Variants in QTMAN observed in about 807,000 individuals in gnomAD.
QTMAN encodes the protein queuosine-tRNA mannosyltransferase, also known as tRNA-queuosine alpha-mannosyltransferase.
the QTMAN span, among the ~76,000 whole-genome samples, chr2:144,136,227 A>G: frequency 6.6e-6 from 1 of 151,722 alleles, no homozygotes; most frequent in Non-Finnish European, 1.5e-5. Flanking sequence ...TCAGTAGGGT[A>G]AGATGGGAGA....
chr2:144,256,022 T>G, the QTMAN span, among the ~76,000 whole-genome samples: 2 of 152,206 alleles, frequency 1.3e-5, no homozygotes, highest in Admixed American at 1.3e-4. Context: ...TTAATTATTT[T>G]TAAATTAATT....
the QTMAN span, among the ~76,000 whole-genome samples, chr2:144,001,875 A>G: frequency 6.6e-6 from 1 of 151,932 alleles, no homozygotes; most frequent in African/African-American, 2.4e-5. Flanking sequence ...AGAACTACAA[A>G]TTAGGCAATT....
chr2:144,129,140 G>A, the QTMAN span, among the ~76,000 whole-genome samples: 3 of 151,836 alleles, frequency 2.0e-5, no homozygotes, highest in Non-Finnish European at 4.4e-5. Flanking sequence ...AAATATAGTA[G>A]CTTTGAATAG....
the QTMAN span, among the ~76,000 whole-genome samples, chr2:144,020,274 C>T: frequency 6.6e-6 from 1 of 152,078 alleles, no homozygotes; most frequent in Non-Finnish European, 1.5e-5. Context: ...CCCAAGACAC[C>T]CTGGCCTGCC....
At chr2:144,031,760 T>C in the QTMAN span, among the ~76,000 whole-genome samples, 1 of 152,106 alleles carries the variant, frequency 6.6e-6, no homozygotes, top group African/African-American at 2.4e-5. Context: ...TTACTTCTTC[T>C]TCTTCTTTTT....
the QTMAN span, among the ~76,000 whole-genome samples, chr2:144,102,218 T>C: frequency 1.3e-5 from 2 of 152,306 alleles, no homozygotes; most frequent in South Asian, 2.1e-4. Flanking sequence ...AATTCCTGAG[T>C]ACCTATCAGT....
chr2:144,329,297 G>A, the QTMAN span, among the ~76,000 whole-genome samples: 1 of 150,874 alleles, frequency 6.6e-6, no homozygotes, highest in Admixed American at 6.6e-5. Flanking sequence ...AAAAAAAGAA[G>A]AGGTAAGAAT....
the QTMAN span, among the ~76,000 whole-genome samples, chr2:144,257,014 A>G: frequency 6.6e-6 from 1 of 152,132 alleles, no homozygotes; most frequent in African/African-American, 2.4e-5. Context: ...TCTTAAGAAT[A>G]CAGTGATAGC....
the QTMAN span, among the ~76,000 whole-genome samples, chr2:144,316,659 G>A: frequency 6.6e-6 from 1 of 152,176 alleles, no homozygotes; most frequent in African/African-American, 2.4e-5. Flanking sequence ...GAGTTCTAGT[G>A]TCCAGATACA....
the QTMAN span, chr2:143,957,078 C>A: frequency 2.5e-6 from 2 of 788,950 alleles, no homozygotes; most frequent in Non-Finnish European, 3.8e-6. Flanking sequence ...AGGTGATAGT[C>A]AATTGAATTC....
the QTMAN span, among the ~76,000 whole-genome samples, chr2:144,007,998 T>C: frequency 6.6e-6 from 1 of 152,152 alleles, no homozygotes; most frequent in Non-Finnish European, 1.5e-5. Flanking sequence ...TGAATATACT[T>C]TGTATTAAAT....
chr2:144,104,704 C>T, the QTMAN span, among the ~76,000 whole-genome samples: 1 of 152,234 alleles, frequency 6.6e-6, no homozygotes, highest in Non-Finnish European at 1.5e-5. Context: ...AAACAAAAGG[C>T]AGAAGAAACC....
the QTMAN span, among the ~76,000 whole-genome samples, chr2:144,034,788 T>C: frequency 2.0e-5 from 3 of 152,224 alleles, no homozygotes; most frequent in Non-Finnish European, 4.4e-5. Context: ...CCTGATCTTC[T>C]GTTTTATTTT....
At chr2:143,977,145 C>A in the QTMAN span, among the ~76,000 whole-genome samples, 1 of 152,040 alleles carries the variant, frequency 6.6e-6, no homozygotes, top group Non-Finnish European at 1.5e-5. Context: ...TCAATTTATT[C>A]CAAGTCTACT....
At chr2:144,149,950 G>A in the QTMAN span, among the ~76,000 whole-genome samples, 1 of 151,934 alleles carries the variant, frequency 6.6e-6, no homozygotes, top group Non-Finnish European at 1.5e-5. Context: ...TATCTTAAAT[G>A]GTACAGAAGG....
At chr2:144,074,218 G>C in the QTMAN span, among the ~76,000 whole-genome samples, 4 of 152,188 alleles carry the variant, frequency 2.6e-5, no homozygotes, top group Non-Finnish European at 4.4e-5. Flanking sequence ...TTTAGGAGCA[G>C]GGTTGAGAAG....
chr2:144,050,055 T>C, the QTMAN span, among the ~76,000 whole-genome samples: 1 of 152,196 alleles, frequency 6.6e-6, no homozygotes, highest in Admixed American at 6.5e-5. Context: ...CTATATATTT[T>C]ATTATCAAAT....
At chr2:144,311,900 C>T in the QTMAN span, among the ~76,000 whole-genome samples, 1 of 152,224 alleles carries the variant, frequency 6.6e-6, no homozygotes, top group Non-Finnish European at 1.5e-5. Context: ...ATGCCTAGAA[C>T]AGTACCTTAC....
the QTMAN span, among the ~76,000 whole-genome samples, chr2:144,050,655 C>T: frequency 6.6e-5 from 10 of 152,016 alleles, no homozygotes; most frequent in Admixed American, 6.6e-4. Flanking sequence ...TTTTAAATGA[C>T]AATAACTGAG....
Sources: allele counts gnomAD v4.1 joint callset (sites outside exome capture counted in the v4.1 genomes callset), GRCh38; gene constraint gnomAD v4.1.1; transcripts MANE v1.5; gene names NCBI Gene and HGNC (gene_info 2026-07-23, HGNC 2026-07-21).